TNFRSF19: variants seen among roughly 807,000 people sequenced by gnomAD.
TNFRSF19 encodes tumor necrosis factor receptor superfamily member 19.
Under a neutral mutation model 46.4 loss-of-function variants are expected in TNFRSF19, and 27 were observed. The ratio of observed to expected loss-of-function variants is 0.58; its 90% confidence interval spans 0.43 to 0.80. The LOEUF is 0.80. TNFRSF19 is among the 30% of genes least tolerant of loss of function. The pLI, the probability that TNFRSF19 is intolerant of heterozygous loss-of-function variation, is 0.00. For synonymous variants in TNFRSF19, 204 were observed against 205.0 expected, an observed-to-expected ratio of 1.00 and a Z score of 0.04; for missense variants, 511 against 530.8, an observed-to-expected ratio of 0.96 and a Z score of 0.37.
chr13:23,600,429 C>T (rs910974757), intron 3 of TNFRSF19, among the ~76,000 whole-genome samples: 1 of 152,140 alleles, frequency 6.6e-6, no homozygotes, highest in Admixed American at 6.5e-5. Flanking sequence ...GTTAAAACTC[C>T]AGGAGGACCC....
intron 4 of TNFRSF19, 71 bp downstream of exon 4, chr13:23,616,116 C>T: frequency 6.8e-7 from 1 of 1,462,162 alleles, no homozygotes; most frequent in South Asian, 1.4e-5. Context: ...TTCCCTTGTT[C>T]CATTCTAAAC....
At chr13:23,583,847 T>C (rs1340373976) in intron 1 of TNFRSF19, among the ~76,000 whole-genome samples, 1 of 151,100 alleles carries the variant, frequency 6.6e-6, no homozygotes, top group Non-Finnish European at 1.5e-5. Context: ...CCTTAGTCCC[T>C]GATGCTACCA....
chr13:23,657,942 G>A (rs376807136), intron 5 of TNFRSF19, among the ~76,000 whole-genome samples: 21 of 152,258 alleles, frequency 1.4e-4, no homozygotes, highest in African/African-American at 4.8e-4. Context: ...ATCTTCAGTC[G>A]AGGGGAGGCT....
At position 23,659,599 on chromosome 13, in the gene TNFRSF19, C is replaced by T. The variant is rs1362150887; in HGVS notation, c.610+385C>T. Among the ~76,000 whole-genome samples the T allele has an allele frequency of 2.0e-5, 3 of 152,064 alleles. No individual in the cohort carries two copies. The highest frequency in any genetic ancestry group is 6.6e-5 in the Admixed American group (1 of 15,262). ...TCAGCTCATGGCAACCTCTGCCTCC[C>T]GGATTCAAGTGATTCTCCTGCCTCA... is the stretch of plus-strand genomic sequence containing the variant. On this transcript the variant is annotated intron_variant, in intron 6 of 9. Coordinates refer to ENST00000248484, the MANE Select transcript of TNFRSF19 (RefSeq NM_148957.4). The surrounding 1 kb of genome is among the most constrained non-coding windows in gnomAD (Gnocchi z 4.9).
chr13:23,622,278 G>A (rs1881717862), intron 4 of TNFRSF19, among the ~76,000 whole-genome samples: 1 of 151,518 alleles, frequency 6.6e-6, no homozygotes, highest in African/African-American at 2.4e-5. Flanking sequence ...CATGGTAAAC[G>A]GGTGCCTGTA....
chr13:23,589,331 A>C (rs1041433392), intron 1 of TNFRSF19, among the ~76,000 whole-genome samples: 6 of 152,200 alleles, frequency 3.9e-5, no homozygotes, highest in African/African-American at 1.4e-4. Context: ...ATGTTAGGTT[A>C]GTGCCTGTGA....
At chr13:23,629,200 C>T (rs1164175664) in intron 5 of TNFRSF19, among the ~76,000 whole-genome samples, 1 of 151,972 alleles carries the variant, frequency 6.6e-6, no homozygotes, top group African/African-American at 2.4e-5. Flanking sequence ...TGACACCTCT[C>T]AAGCTAACTT....
intron 5 of TNFRSF19, among the ~76,000 whole-genome samples, chr13:23,648,924 T>C (rs1187597417): frequency 6.6e-6 from 1 of 152,202 alleles, no homozygotes; most frequent in Admixed American, 6.5e-5. Flanking sequence ...CTGGGATAAA[T>C]CCCACTTGGT....
At position 23,669,191 on chromosome 13, in the gene TNFRSF19, G is replaced by GTT. The variant is rs11383459; in HGVS notation, c.1245+103_1245+104dup. On this transcript the variant is annotated intron_variant, in intron 9 of 9. Transcript: ENST00000248484. ...CATAAGATTTGGGGGAACCTGATGA[G>GTT]TTTTTTTTTTGCATCTTTAATAATT... 1.2e-3 allele frequency: 1,537 copies of GTT among 1,288,632 alleles called. 1 individual carries two copies. Among genetic ancestry groups the GTT allele is most frequent in the Admixed American group, 5.2e-3 (169 of 32,740 alleles). 79.8% of individuals were successfully genotyped at this position (1,288,632 alleles called of 1,614,324 possible).
At position 23,660,485 on chromosome 13, in the gene TNFRSF19, C is replaced by G; in HGVS notation, c.731C>G (p.Thr244Ser). ...CAGTGCCGCCGTGACTCAGTGCAGA[C>G]CTGCGGTAAGTTCAGCAGGGAAGTG... ...CCQCRRDSVQ[T>S]CGPVRLLPSM... The change falls in exon 7 of 10, where the codon ACC becomes AGC. Residue 244 changes from threonine (T) to serine (S), a missense_variant. By Grantham distance (58) the Thr-to-Ser change is moderately conservative. Around this residue, in one of 3 missense-constraint regions of TNFRSF19, gnomAD observed 376 missense variants for 372.7 expected, o/e 1.01. Transcript: ENST00000248484. 6.2e-7 allele frequency: 1 copy of G among 1,612,906 alleles called. No individual in the cohort carries two copies. The highest frequency in any genetic ancestry group is 1.1e-5 in the South Asian group (1 of 90,922).
chr13:23,649,467 T>C (rs1883515957), intron 5 of TNFRSF19, among the ~76,000 whole-genome samples: 1 of 152,130 alleles, frequency 6.6e-6, no homozygotes, highest in Non-Finnish European at 1.5e-5. Flanking sequence ...TTACTTAGTC[T>C]AAAGTTTTGT....
At position 23,574,924 on chromosome 13, in the gene TNFRSF19, T is replaced by A. The variant is rs577302583; in HGVS notation, c.-35+4076T>A. On this transcript the variant is annotated intron_variant, in intron 1 of 9. Transcript: ENST00000248484. ...TAAAACCCTCCTTTGTGACTTAAAT[T>A]TTCTCTTTGATGAGAAGGGGAAGGA... Among the ~76,000 whole-genome samples the A allele has an allele frequency of 1.1e-4, 17 of 152,384 alleles. 1 individual carries two copies. The highest frequency in any genetic ancestry group is 3.4e-3 in the Middle Eastern group (1 of 294).
chr13:23,616,922 A>G (rs1157310714), intron 4 of TNFRSF19, among the ~76,000 whole-genome samples: 1 of 152,164 alleles, frequency 6.6e-6, no homozygotes, highest in South Asian at 2.1e-4. Flanking sequence ...AATAATAAAG[A>G]AGCAAATTAT....
chr13:23,674,576 A>G lies in TNFRSF19; in HGVS notation c.*1196A>G, dbSNP rs1372943114. ...CTCCATCCCCTACCATCTACACATT[A>G]GCATTGTCTCTAGAGCTAAGACAGA... is the stretch of plus-strand genomic sequence containing the variant. On this transcript the variant is annotated 3_prime_UTR_variant, in exon 10 of 10. Transcript: ENST00000248484. 2.0e-5 allele frequency: 3 copies of G among 152,226 alleles called. No homozygotes were observed. The highest frequency in any genetic ancestry group is 7.2e-5 in the African/African-American group (3 of 41,458). The allele number at this position is 152,226 out of a possible 1,614,324, so 9.4% of individuals were successfully genotyped here.
At chr13:23,628,531 T>C (rs893040055) in intron 5 of TNFRSF19, among the ~76,000 whole-genome samples, 1 of 152,146 alleles carries the variant, frequency 6.6e-6, no homozygotes, top group Non-Finnish European at 1.5e-5. Flanking sequence ...ATTACCACTT[T>C]AGAGTCAGAA....
intron 5 of TNFRSF19, among the ~76,000 whole-genome samples, chr13:23,641,780 C>T (rs1883046730): frequency 1.3e-5 from 2 of 152,312 alleles, no homozygotes; most frequent in Admixed American, 6.5e-5. Context: ...GATAAATGTA[C>T]AGATGCTGCT....
At chr13:23,625,623 C>T (rs1007329068) in intron 4 of TNFRSF19, among the ~76,000 whole-genome samples, 15 of 152,034 alleles carry the variant, frequency 9.9e-5, no homozygotes, top group Non-Finnish European at 1.6e-4. Context: ...CCCCCGCGCC[C>T]GGCCTGTATT....
rs1053317164 is a variant in TNFRSF19, at chr13:23,674,783, A to G, written c.*1403A>G. The G allele has an allele frequency of 6.6e-6, 1 of 152,160 alleles. No individual in the cohort carries two copies. The highest frequency in any genetic ancestry group is 2.4e-5 in the African/African-American group (1 of 41,414). 9.4% of individuals were successfully genotyped at this position (152,160 alleles called of 1,614,324 possible). ...CAAGTCACTGTCTTTTAACTTTTAA[A>G]CTGAATATTAAAATGTATCTGTCTT... On this transcript the variant is annotated 3_prime_UTR_variant, in exon 10 of 10. Coordinates refer to ENST00000248484, the MANE Select transcript of TNFRSF19 (RefSeq NM_148957.4).
chr13:23,625,390 G>A (rs1185271258), intron 4 of TNFRSF19, among the ~76,000 whole-genome samples: 5 of 145,020 alleles, frequency 3.4e-5, no homozygotes, highest in South Asian at 4.4e-4. Flanking sequence ...GTGCAGTGGC[G>A]CTATCTCAGC....
Sources: gnomAD v4.1 joint callset for allele counts (sites outside exome capture counted in the v4.1 genomes callset) on GRCh38, gnomAD v4.1.1 for gene constraint, gnomAD v4.1.1 regional missense constraint, Gnocchi (gnomAD v3.1) non-coding constraint, MANE v1.5 for transcripts, NCBI Gene and HGNC (gene_info 2026-07-23, HGNC 2026-07-21) for gene names.